Variants in CNTN4 observed in about 807,000 individuals in gnomAD.
The protein encoded by CNTN4 is contactin 4.
CNTN4 carries 77 observed loss-of-function variants against 122.5 expected under a neutral mutation model. The observed-to-expected ratio is 0.63, with a 90% CI of 0.52 to 0.76. The LOEUF is 0.76. Ranked by LOEUF, CNTN4 falls within the 30% of genes least tolerant of loss-of-function variation. The pLI is 0.00. For missense variants in CNTN4, 1,256 were observed against 1,259.1 expected (o/e 1.00, Z 0.04); for synonymous variants, 512 against 447.0 (o/e 1.15, Z -1.83).
intron 3 of CNTN4, among the ~76,000 whole-genome samples, chr3:2,426,475 A>G (rs1168850989): frequency 1.3e-5 from 2 of 152,110 alleles, no homozygotes; most frequent in African/African-American, 4.8e-5. Context: ...GTTTGCCAGT[A>G]TTTTAATGAG....
At chr3:2,230,970 A>G in intron 2 of CNTN4, among the ~76,000 whole-genome samples, 1 of 152,162 alleles carries the variant, frequency 6.6e-6, no homozygotes, top group East Asian at 1.9e-4. Context: ...CCTGGGCGAC[A>G]AAGCGAGACT....
At chr3:2,959,948 A>C (rs1408982408) in intron 13 of CNTN4, among the ~76,000 whole-genome samples, 1 of 152,216 alleles carries the variant, frequency 6.6e-6, no homozygotes, top group Non-Finnish European at 1.5e-5. Flanking sequence ...GACTCAGGTA[A>C]TATTTCCTGG....
chr3:2,482,570 C>G (rs2076036012), intron 3 of CNTN4, among the ~76,000 whole-genome samples: 1 of 152,190 alleles, frequency 6.6e-6, no homozygotes, highest in Admixed American at 6.5e-5. Flanking sequence ...ACAGGCCCTC[C>G]CATGACAGGC....
intron 2 of CNTN4, among the ~76,000 whole-genome samples, chr3:2,157,827 T>G (rs2149158797): frequency 6.6e-6 from 1 of 152,358 alleles, no homozygotes. Context: ...TTGGATTTTC[T>G]TAGAAATTAA....
At chr3:2,444,410 G>T (rs1366119294) in intron 3 of CNTN4, among the ~76,000 whole-genome samples, 2 of 152,124 alleles carry the variant, frequency 1.3e-5, no homozygotes, top group African/African-American at 2.4e-5. Flanking sequence ...GGAGATGCTT[G>T]TCCTGGGAAG....
At position 2,887,348 on chromosome 3, in the gene CNTN4, A is replaced by G. The variant is rs1451307223; in HGVS notation, c.940+124A>G. 6.1e-6 allele frequency: 5 copies of G among 815,978 alleles called. No individual in the cohort carries two copies. In the African/African-American group the frequency reaches 8.7e-5, roughly 14 times the overall value. The allele number at this position is 815,978 out of a possible 1,614,324, so 50.5% of individuals were successfully genotyped here. On this transcript the variant is annotated intron_variant, in intron 10 of 24. Coordinates refer to ENST00000418658, the MANE Select transcript of CNTN4 (RefSeq NM_175607.3). ...TGCAGAATAGGACTGTGTGAAACTC[A>G]TGGTTTGCTCCATAATCAGCCCTGG...
At chr3:3,007,583 T>C (rs1366127926) in intron 14 of CNTN4, among the ~76,000 whole-genome samples, 5 of 152,242 alleles carry the variant, frequency 3.3e-5, no homozygotes, top group Non-Finnish European at 5.9e-5. Flanking sequence ...TTGCCTTTAT[T>C]TTGAAACAGT....
At chr3:2,158,990 G>A (rs1656097786) in intron 2 of CNTN4, among the ~76,000 whole-genome samples, 1 of 152,154 alleles carries the variant, frequency 6.6e-6, no homozygotes, top group African/African-American at 2.4e-5. Context: ...CAGGCTTTCA[G>A]TTTGCAGTCT....
chr3:2,970,170 T>C (rs540155892), intron 13 of CNTN4, among the ~76,000 whole-genome samples: 1 of 152,120 alleles, frequency 6.6e-6, no homozygotes, highest in East Asian at 1.9e-4. Flanking sequence ...TCGTAGCTCA[T>C]TTTAACCTCT....
intron 3 of CNTN4, among the ~76,000 whole-genome samples, chr3:2,524,546 A>G (rs377626275): frequency 2.8e-4 from 42 of 152,298 alleles, no homozygotes; most frequent in African/African-American, 8.4e-4. Context: ...CAACACTGAA[A>G]TACAGTGGAT....
chr3:2,313,763 G>A (rs979566621), intron 2 of CNTN4, among the ~76,000 whole-genome samples: 9 of 151,862 alleles, frequency 5.9e-5, no homozygotes, highest in African/African-American at 2.2e-4. Context: ...TTTATATGAC[G>A]CAAACCTAAG....
At chr3:2,914,701 A>ATACT (rs2094335846) in intron 12 of CNTN4, among the ~76,000 whole-genome samples, 1 of 152,204 alleles carries the variant, frequency 6.6e-6, no homozygotes. Context: ...ATTCTACCAA[A>ATACT]TACTTAAAGA....
chr3:2,965,571 C>A (rs74339920), intron 13 of CNTN4, among the ~76,000 whole-genome samples: 8 of 152,178 alleles, frequency 5.3e-5, no homozygotes, highest in East Asian at 1.9e-4. Flanking sequence ...CTTGCAGGAA[C>A]TTTTCTGCCT....
At chr3:2,454,106 A>C (rs1419061141) in intron 3 of CNTN4, among the ~76,000 whole-genome samples, 1 of 58,914 alleles carries the variant, frequency 1.7e-5, no homozygotes, top group Non-Finnish European at 3.9e-5. Flanking sequence ...GCCTGTTGTT[A>C]CATGGCAAGA....
chr3:2,968,717 A>G (rs1049273027), intron 13 of CNTN4, among the ~76,000 whole-genome samples: 1 of 152,208 alleles, frequency 6.6e-6, no homozygotes, highest in African/African-American at 2.4e-5. Flanking sequence ...AGAGAGCAAA[A>G]GGACTATATT....
intron 3 of CNTN4, among the ~76,000 whole-genome samples, chr3:2,506,480 C>G (rs1393844931): frequency 1.3e-5 from 2 of 152,184 alleles, no homozygotes; most frequent in African/African-American, 4.8e-5. Flanking sequence ...GAAGAAGATG[C>G]TGAGAGATTC....
At chr3:2,892,016 T>C (rs2151054936) in intron 10 of CNTN4, among the ~76,000 whole-genome samples, 1 of 152,264 alleles carries the variant, frequency 6.6e-6, no homozygotes, top group South Asian at 2.1e-4. Flanking sequence ...TTAGAGCCAA[T>C]AGGATATGCT....
At chr3:2,384,564 C>G (rs1236388714) in intron 3 of CNTN4, among the ~76,000 whole-genome samples, 1 of 152,188 alleles carries the variant, frequency 6.6e-6, no homozygotes, top group African/African-American at 2.4e-5. Flanking sequence ...TTGTCAAAAA[C>G]AAATCTTAAG....
intron 6 of CNTN4, among the ~76,000 whole-genome samples, chr3:2,763,890 T>C (rs568810262): frequency 1.2e-4 from 18 of 152,262 alleles, no homozygotes; most frequent in African/African-American, 3.9e-4. Flanking sequence ...TGTGTCCCTA[T>C]AGTATAGTTT....
Sources: allele counts gnomAD v4.1 joint callset (sites outside exome capture counted in the v4.1 genomes callset), GRCh38; gene constraint gnomAD v4.1.1; transcripts MANE v1.5; gene names NCBI Gene and HGNC (gene_info 2026-07-23, HGNC 2026-07-21).